Variants in UBE2V2 observed in about 807,000 individuals in gnomAD.
The protein encoded by UBE2V2 is ubiquitin-conjugating enzyme E2 variant 2.
A neutral mutation model predicts 17.2 loss-of-function variants in UBE2V2; 9 were observed. The ratio of observed to expected loss-of-function variants is 0.52; its 90% CI spans 0.32 to 0.91. UBE2V2 has a LOEUF of 0.91. Ranked by LOEUF, UBE2V2 falls within the 40% of genes least tolerant of loss-of-function variation. The pLI, the probability that UBE2V2 is intolerant of heterozygous loss-of-function variation, is 0.04. For synonymous variants in UBE2V2, 61 were observed against 57.5 expected (o/e 1.06, Z -0.28); for missense variants, 133 against 182.6 (o/e 0.73, Z 1.56).
At chr8:48,010,570 T>G (rs2154506600) in intron 1 of UBE2V2, among the ~76,000 whole-genome samples, 1 of 151,494 alleles carries the variant, frequency 6.6e-6, no homozygotes, top group Middle Eastern at 3.4e-3. Flanking sequence ...CCCAGCTAAT[T>G]TTTTGTATAT....
At chr8:48,035,890 CA>C (rs963104941) in intron 1 of UBE2V2, among the ~76,000 whole-genome samples, 13 of 129,746 alleles carry the variant, frequency 1.0e-4, no homozygotes, top group Admixed American at 4.8e-4. Flanking sequence ...CACTCCGTCT[CA>C]AAAAAAAAAT....
At chr8:48,018,411 C>T (rs2154506877) in intron 1 of UBE2V2, among the ~76,000 whole-genome samples, 1 of 151,982 alleles carries the variant, frequency 6.6e-6, no homozygotes, top group African/African-American at 2.4e-5. Context: ...CTTCATTGAC[C>T]TATTGGTTGT....
intron 1 of UBE2V2, among the ~76,000 whole-genome samples, chr8:48,014,532 C>T (rs1185039790): frequency 6.6e-6 from 1 of 151,194 alleles, no homozygotes; most frequent in Non-Finnish European, 1.5e-5. Flanking sequence ...GTAGTCCCAG[C>T]TACTCGGGAG....
chr8:48,023,762 G>C (rs1035243425), intron 1 of UBE2V2, among the ~76,000 whole-genome samples: 2 of 152,010 alleles, frequency 1.3e-5, no homozygotes, highest in Non-Finnish European at 2.9e-5. Context: ...TATAGCTCCA[G>C]CTACTTGGGA....
chr8:48,008,336 CG>C, upstream of UBE2V2: 2 of 1,334,676 alleles, frequency 1.5e-6, no homozygotes, highest in South Asian at 3.5e-5. Flanking sequence ...TCCCTCGGGT[CG>C]CCCCGCGCCC....
At chr8:48,026,184 T>G (rs2091343886) in intron 1 of UBE2V2, among the ~76,000 whole-genome samples, 1 of 152,096 alleles carries the variant, frequency 6.6e-6, no homozygotes, top group South Asian at 2.1e-4. Context: ...TAGGAAGAAC[T>G]TGGTTCCAGG....
intron 2 of UBE2V2, among the ~76,000 whole-genome samples, chr8:48,045,934 G>A (rs572445890): frequency 2.0e-5 from 3 of 152,172 alleles, no homozygotes; most frequent in African/African-American, 7.2e-5. Flanking sequence ...AGCCAGGAGA[G>A]GAGGAAGACT....
chr8:48,047,995 GTTTTTTTTT>G (rs11368838), intron 2 of UBE2V2, among the ~76,000 whole-genome samples: 9 of 139,570 alleles, frequency 6.4e-5, no homozygotes, highest in African/African-American at 2.4e-4. Flanking sequence ...AGAGCTTTGG[GTTTTTTTTT>G]TTTTTTTTTT....
intron 2 of UBE2V2, among the ~76,000 whole-genome samples, chr8:48,049,260 G>T (rs2091519627): frequency 6.6e-6 from 1 of 152,124 alleles, no homozygotes; most frequent in South Asian, 2.1e-4. Context: ...TTTTATTGCT[G>T]CAAAATAGTA....
the UBE2V2 span, among the ~76,000 whole-genome samples, chr8:48,003,237 A>G: frequency 6.6e-6 from 1 of 151,434 alleles, no homozygotes; most frequent in African/African-American, 2.4e-5. Flanking sequence ...AAAAAGAGAG[A>G]ATTTAGTTCT....
intron 1 of UBE2V2, among the ~76,000 whole-genome samples, chr8:48,021,339 C>T (rs2091304108): frequency 7.0e-6 from 1 of 143,056 alleles, no homozygotes; most frequent in Admixed American, 7.2e-5. Flanking sequence ...CGGAGTCTCG[C>T]TCTGTCGCCC....
intron 1 of UBE2V2, among the ~76,000 whole-genome samples, chr8:48,036,497 G>A (rs769045639): frequency 6.6e-6 from 1 of 151,152 alleles, no homozygotes; most frequent in African/African-American, 2.4e-5. Context: ...GCAGTGGTGC[G>A]ATCTTGGCTC....
At chr8:48,050,379 C>A in intron 3 of UBE2V2, 1 of 152,844 alleles carries the variant, frequency 6.5e-6, no homozygotes, top group Non-Finnish European at 1.5e-5. Flanking sequence ...GGATTACAGG[C>A]ACCTGCCATC....
chr8:48,030,985 G>A (rs1358176787), intron 1 of UBE2V2, among the ~76,000 whole-genome samples: 6 of 152,184 alleles, frequency 3.9e-5, no homozygotes, highest in African/African-American at 1.4e-4. Context: ...TTGCACCATT[G>A]CCCTTCATTG....
intron 1 of UBE2V2, among the ~76,000 whole-genome samples, chr8:48,013,162 T>C (rs1361205662): frequency 6.6e-6 from 1 of 151,846 alleles, no homozygotes; most frequent in Non-Finnish European, 1.5e-5. Flanking sequence ...TAATTTCTTA[T>C]ATTGGTATGG....
intron 1 of UBE2V2, among the ~76,000 whole-genome samples, chr8:48,028,650 T>C (rs956005393): frequency 6.6e-6 from 1 of 151,546 alleles, no homozygotes; most frequent in Non-Finnish European, 1.5e-5. Context: ...ACACAGCTAA[T>C]TTTTTTTGTA....
intron 1 of UBE2V2, among the ~76,000 whole-genome samples, chr8:48,013,801 A>G (rs1238089895): frequency 2.0e-5 from 3 of 152,220 alleles, no homozygotes; most frequent in Non-Finnish European, 2.9e-5. Context: ...CTTCTTCAGA[A>G]GTGGGTAGCA....
chr8:48,013,648 A>G (rs1161607124), intron 1 of UBE2V2, among the ~76,000 whole-genome samples: 1 of 152,176 alleles, frequency 6.6e-6, no homozygotes, highest in Non-Finnish European at 1.5e-5. Context: ...GGTAATATTA[A>G]TGGTACAGTG....
rs11368838 is a variant in UBE2V2, at chr8:48,047,995, GTTT to G, written c.166-1841_166-1839del. ...AAAATCTTTCAGAAAAGAGCTTTGG[GTTT>G]TTTTTTTTTTTTTTTTAAACAAAAG... On this transcript the variant is annotated intron_variant, in intron 2 of 3. Coordinates refer to ENST00000523111, the MANE Select transcript of UBE2V2 (RefSeq NM_003350.3). Among the ~76,000 whole-genome samples the G allele has an allele frequency of 9.5e-3, 1,323 of 139,558 alleles. 11 individuals are homozygous for G. Among genetic ancestry groups the G allele is most frequent in the South Asian group, 0.019 (86 of 4,412 alleles). The allele number at this position is 139,558 out of a possible 152,430, so 91.6% of individuals were successfully genotyped here. A position where few individuals can be genotyped will look rare whatever the true frequency, so the allele number is the denominator to read the frequency against.
Sources: gnomAD v4.1 joint callset for allele counts (sites outside exome capture counted in the v4.1 genomes callset) on GRCh38, gnomAD v4.1.1 for gene constraint, MANE v1.5 for transcripts, NCBI Gene and HGNC (gene_info 2026-07-23, HGNC 2026-07-21) for gene names.